The following PAF1 variants were observed in gnomAD, a reference collection of about 807,000 sequenced individuals.
The protein encoded by PAF1 is RNA polymerase II-associated factor 1 homolog.
Under a neutral mutation model 68.4 loss-of-function variants are expected in PAF1, and 31 were observed. The ratio of observed to expected loss-of-function variants is 0.45; its 90% CI spans 0.34 to 0.61. PAF1 has a LOEUF of 0.61. Ranked by LOEUF, PAF1 falls within the 20% of genes least tolerant of loss-of-function variation. The pLI is 0.01. For missense variants in PAF1, 435 were observed against 692.9 expected, an observed-to-expected ratio of 0.63 and a Z score of 4.18; for synonymous variants, 256 against 240.5, an observed-to-expected ratio of 1.06 and a Z score of -0.60.
At position 39,390,375 on chromosome 19, in the gene PAF1, T is replaced by TAGA. The variant is rs3217016; in HGVS notation, c.48-87_48-86insTCT. 363,313 of 1,296,708 alleles carry TAGA rather than the reference T, an allele frequency of 0.28. 62,590 individuals carry two copies. Among genetic ancestry groups the TAGA allele is most frequent in the African/African-American group, 0.77 (51,881 of 67,564 alleles). The allele number at this position is 1,296,708 out of a possible 1,614,324, so 80.3% of individuals were successfully genotyped here. ...AAGGCTTCCCCAACCTTTCAAAAGG[T>TAGA]AGGAGGGGTGACAAATGCTGGTTTC... On this transcript the variant is annotated intron_variant, in intron 1 of 13. Transcript: ENST00000221265.
Position 39,386,107 on chromosome 19 carries a change from G to A in PAF1, c.1480C>T (p.Arg494Trp), listed in dbSNP as rs147646603. Residue 494 changes from arginine to tryptophan, a missense_variant, in exon 14 of 14, where the codon CGG (arginine) becomes TGG (tryptophan). By Grantham distance (101) the Arg-to-Trp change is moderately radical. Coordinates refer to ENST00000221265, the MANE Select transcript of PAF1 (RefSeq NM_019088.4). The surrounding 1 kb of genome is among the most constrained non-coding windows in gnomAD (Gnocchi z 6.1). ...SGSNGGGQRSRSHSRSASPFP... is the reference protein window; with the variant it reads ...SGSNGGGQRSWSHSRSASPFP... ...GGACTGGCGCTGCGGCTGTGGCTCC[G>A]GCTCCGCTGGCCACCCCCATTGCTG... 72 of 1,613,886 alleles carry A rather than the reference G, an allele frequency of 4.5e-5. No individual in the cohort carries two copies. Among genetic ancestry groups the A allele is most frequent in the African/African-American group, 2.1e-4 (16 of 74,912 alleles).
chr19:39,386,594 T>C lies in PAF1; in HGVS notation c.1093-22A>G. On this transcript the variant is annotated intron_variant, in intron 12 of 13. Transcript: ENST00000221265. This position sits in a 1 kb window ranked among gnomAD's most constrained non-coding sequence, Gnocchi z 6.1. ...CCTCCTGGAAGCAGCAAGATTGGAA[T>C]GAGGGGAAGGAGGGTGTTCTGCTGG... The C allele has an allele frequency of 6.2e-7, 1 of 1,613,282 alleles. No homozygotes were observed. Among genetic ancestry groups the C allele is most frequent in the Non-Finnish European group, 8.5e-7 (1 of 1,179,250 alleles).
At position 39,389,203 on chromosome 19, in the gene PAF1, G is replaced by C. The variant is rs747108134; in HGVS notation, c.462-5C>G. 6.2e-7 allele frequency: 1 copy of C among 1,613,566 alleles called. No individual in the cohort carries two copies. The highest frequency in any genetic ancestry group is 2.2e-5 in the East Asian group (1 of 44,884). On this transcript the variant is annotated splice_polypyrimidine_tract_variant and splice_region_variant and intron_variant, in intron 6 of 13. Coordinates refer to ENST00000221265, the MANE Select transcript of PAF1 (RefSeq NM_019088.4). The surrounding 1 kb of genome is among the most constrained non-coding windows in gnomAD (Gnocchi z 5.3). ...TGCTTCACAGAAACCCCAATCCTAG[G>C]AATGAAGAAAAAGGTCCTTAGGGGC...
In PAF1 at chr19:39,389,857, G is replaced by C. The variant is rs2078335113; in HGVS notation, c.171-96C>G. On this transcript the variant is annotated intron_variant, in intron 3 of 13. Coordinates refer to ENST00000221265, the MANE Select transcript of PAF1 (RefSeq NM_019088.4). The surrounding 1 kb of genome is among the most constrained non-coding windows in gnomAD (Gnocchi z 5.3). Reference sequence around the variant, plus strand: ...CGGAGCTTCTCTGGGGAGGAACTCAGAATGAAGTGTCCCCCATGGCAGAGT... The same window carrying C: ...CGGAGCTTCTCTGGGGAGGAACTCACAATGAAGTGTCCCCCATGGCAGAGT... The C allele has an allele frequency of 6.6e-7, 1 of 1,517,566 alleles. No homozygotes were observed. Among genetic ancestry groups the C allele is most frequent in the East Asian group, 2.3e-5 (1 of 44,400 alleles). 94.0% of individuals were successfully genotyped at this position (1,517,566 alleles called of 1,614,324 possible). A position where few individuals can be genotyped will look rare whatever the true frequency, so the allele number is the denominator to read the frequency against.
rs2078336572 is a variant in PAF1 at position 39,389,911 on chromosome 19, A to T, written c.171-150T>A. On this transcript the variant is annotated intron_variant, in intron 3 of 13. Coordinates refer to ENST00000221265, the MANE Select transcript of PAF1 (RefSeq NM_019088.4). The surrounding 1 kb of genome is among the most constrained non-coding windows in gnomAD (Gnocchi z 5.3). Reference sequence around the variant, plus strand: ...AAAGCTGGCTCCCCAGTGGGAAGGGACTTGGACACTGCTTGCTCCATTAAC... The same window carrying T: ...AAAGCTGGCTCCCCAGTGGGAAGGGTCTTGGACACTGCTTGCTCCATTAAC... 1 of 1,132,082 alleles carries T rather than the reference A, an allele frequency of 8.8e-7. No homozygotes were observed. Among genetic ancestry groups the T allele is most frequent in the East Asian group, 2.3e-5 (1 of 42,580 alleles). 70.1% of individuals were successfully genotyped at this position (1,132,082 alleles called of 1,614,324 possible).
In PAF1 at chr19:39,386,848, C is replaced by T. The variant is rs940322979; in HGVS notation, c.987-49G>A. ...GAGAAGTGGAAGATGCAGTTAAAGA[C>T]ACACCTCCCACTTCCCCGCCCCCCA... is the stretch of plus-strand genomic sequence containing the variant. On this transcript the variant is annotated intron_variant, in intron 11 of 13. Coordinates refer to ENST00000221265, the MANE Select transcript of PAF1 (RefSeq NM_019088.4). The surrounding 1 kb of genome is among the most constrained non-coding windows in gnomAD (Gnocchi z 6.1). 7.2e-6 allele frequency: 9 copies of T among 1,249,808 alleles called. No individual in the cohort carries two copies. The highest frequency in any genetic ancestry group is 1.1e-5 in the Non-Finnish European group (9 of 848,698). The allele number at this position is 1,249,808 out of a possible 1,614,324, so 77.4% of individuals were successfully genotyped here.
chr19:39,387,116 C>T, intron 11 of PAF1: 1 of 469,036 alleles, frequency 2.1e-6, no homozygotes, highest in Non-Finnish European at 4.0e-6. Flanking sequence ...GAACATCATA[C>T]AGTACTCTTA....
In PAF1 at chr19:39,390,126, C is replaced by T; in HGVS notation, c.113G>A (p.Ser38Asn). The T allele has an allele frequency of 6.2e-7, 1 of 1,614,086 alleles. No individual in the cohort carries two copies. The highest frequency in any genetic ancestry group is 8.5e-7 in the Non-Finnish European group (1 of 1,179,992). Residue 38 changes from serine (S) to asparagine (N), a missense_variant, in exon 3 of 14, where the codon AGC becomes AAC. Physicochemically the swap from Ser to Asn is conservative, Grantham distance 46. Coordinates refer to ENST00000221265, the MANE Select transcript of PAF1 (RefSeq NM_019088.4). Reference sequence around the variant, plus strand: ...GGGGTCGAAGGGGATATCAGGGAGGCTATTGCAGTACTTGACTCGGCAGAC... The same window carrying T: ...GGGGTCGAAGGGGATATCAGGGAGGTTATTGCAGTACTTGACTCGGCAGAC... ...GVVCRVKYCN[S>N]LPDIPFDPKF...
rs2078233497 is a variant in PAF1 at position 39,385,830 on chromosome 19, T to C, written c.*161A>G. On this transcript the variant is annotated 3_prime_UTR_variant, in exon 14 of 14. Coordinates refer to ENST00000221265, the MANE Select transcript of PAF1 (RefSeq NM_019088.4). ...GAGGTATGTGCTGGGCTGAATGACATCATAGGGGCTGGGAGGGGAAGTAAA... is the reference window on the plus strand; with the variant it reads ...GAGGTATGTGCTGGGCTGAATGACACCATAGGGGCTGGGAGGGGAAGTAAA... 1 of 1,075,722 alleles carries C rather than the reference T, an allele frequency of 9.3e-7. No homozygotes were observed. The highest frequency in any genetic ancestry group is 1.3e-6 in the Non-Finnish European group (1 of 759,848). 66.6% of individuals were successfully genotyped at this position (1,075,722 alleles called of 1,614,324 possible). A position where few individuals can be genotyped will look rare whatever the true frequency, so the allele number is the denominator to read the frequency against.
intron 1 of PAF1, 99 bp from the exon 2 acceptor site, chr19:39,390,388 A>T (rs1309786063): frequency 8.8e-7 from 1 of 1,138,008 alleles, no homozygotes; most frequent in Non-Finnish European, 1.3e-6. Context: ...GAGGGGTGAC[A>T]AATGCTGGTT....
chr19:39,390,321 G>A (rs559261552), intron 1 of PAF1, 32 bp from the exon 2 acceptor site: 167 of 1,593,878 alleles, frequency 1.0e-4, no homozygotes, highest in East Asian at 8.9e-4. Context: ...GTGATAGGTG[G>A]AGAGGACGGG....
Position 39,389,231 on chromosome 19 carries a change from C to T in PAF1, c.462-33G>A. The T allele has an allele frequency of 6.2e-7, 1 of 1,607,444 alleles. No homozygotes were observed. Among genetic ancestry groups the T allele is most frequent in the Non-Finnish European group, 8.5e-7 (1 of 1,173,874 alleles). On this transcript the variant is annotated intron_variant, in intron 6 of 13. Coordinates refer to ENST00000221265, the MANE Select transcript of PAF1 (RefSeq NM_019088.4). The surrounding 1 kb of genome is among the most constrained non-coding windows in gnomAD (Gnocchi z 5.3). ...TGAAGAAAAAGGTCCTTAGGGGCCA[C>T]TGGACACACCTAATATCTCCACCTT...
At position 39,386,727 on chromosome 19, in the gene PAF1, A is replaced by G; in HGVS notation, c.1059T>C (p.His353=). ...SGTNALLVVK[H]RDMNEKELEA... is the part of the protein sequence containing the mutation. Reference sequence around the variant, plus strand: ...CCAGTTCCTTCTCATTCATGTCCCGATGTTTGACCACAAGCAGGGCGTTGG... The same window carrying G: ...CCAGTTCCTTCTCATTCATGTCCCGGTGTTTGACCACAAGCAGGGCGTTGG... Residue 353 remains histidine (H), a synonymous_variant, in exon 12 of 14, where the codon CAT becomes CAC. Coordinates refer to ENST00000221265, the MANE Select transcript of PAF1 (RefSeq NM_019088.4). This position sits in a 1 kb window ranked among gnomAD's most constrained non-coding sequence, Gnocchi z 6.1. The G allele has an allele frequency of 6.2e-7, 1 of 1,613,946 alleles. No individual in the cohort carries two copies. The highest frequency in any genetic ancestry group is 2.2e-5 in the East Asian group (1 of 44,872).
chr19:39,390,022 C>T, intron 3 of PAF1, 47 bp downstream of exon 3: 1 of 1,469,626 alleles, frequency 6.8e-7, no homozygotes, highest in Non-Finnish European at 9.5e-7. Flanking sequence ...CAGTCCCTGC[C>T]TTCAAGGAAC....
chr19:39,387,257 A>G lies in PAF1; in HGVS notation c.987-458T>C, dbSNP rs1568373100. Reference sequence around the variant, plus strand: ...AGGCAATTGTAATACAATAGTAAGTATTTGTGTATCTAAACATAGAAAAGG... The same window carrying G: ...AGGCAATTGTAATACAATAGTAAGTGTTTGTGTATCTAAACATAGAAAAGG... On this transcript the variant is annotated intron_variant, in intron 11 of 13. Transcript: ENST00000221265. 7.8e-6 allele frequency: 3 copies of G among 383,868 alleles called. No homozygotes were observed. The Admixed American group carries it at 8.0e-5, about 10-fold the overall frequency. The allele number at this position is 383,868 out of a possible 1,614,324, so 23.8% of individuals were successfully genotyped here.
Position 39,389,783 on chromosome 19 carries a change from G to A in PAF1, c.171-22C>T. 6.2e-7 allele frequency: 1 copy of A among 1,613,692 alleles called. No individual in the cohort carries two copies. The highest frequency in any genetic ancestry group is 8.5e-7 in the Non-Finnish European group (1 of 1,179,838). On this transcript the variant is annotated intron_variant, in intron 3 of 13. Coordinates refer to ENST00000221265, the MANE Select transcript of PAF1 (RefSeq NM_019088.4). The surrounding 1 kb of genome is among the most constrained non-coding windows in gnomAD (Gnocchi z 5.3). ...GAACCTGGGTGGGGAAACACCTATT[G>A]TGGTGTTTGGATTCCAGCTTCACCC...
At position 39,390,910 on chromosome 19, in the gene PAF1, A is replaced by AG; in HGVS notation, c.-47dup. 1.9e-6 allele frequency: 3 copies of AG among 1,548,288 alleles called. No homozygotes were observed. The highest frequency in any genetic ancestry group is 1.2e-5 in the South Asian group (1 of 84,222). On this transcript the variant is annotated 5_prime_UTR_variant, in exon 1 of 14. Transcript: ENST00000221265. Reference sequence around the variant, plus strand: ...CCGGACGGGGTCCTAGCGGGACCGAAGGGGGACGCAGAGGGGCGTGCCGAC... The same window carrying AG: ...CCGGACGGGGTCCTAGCGGGACCGAAGGGGGGACGCAGAGGGGCGTGCCGAC...
In PAF1 at chr19:39,390,810, G is replaced by C; in HGVS notation, c.47+8C>G. 6.3e-7 allele frequency: 1 copy of C among 1,578,292 alleles called. No individual in the cohort carries two copies. The highest frequency in any genetic ancestry group is 2.3e-5 in the East Asian group (1 of 43,166). On this transcript the variant is annotated splice_region_variant and intron_variant, in intron 1 of 13. Coordinates refer to ENST00000221265, the MANE Select transcript of PAF1 (RefSeq NM_019088.4). ...CGCCTTGCTGCAACAGAAAAGCGTGGCGCCTACCTGTGGCCATCCTCCCGC... is the reference window on the plus strand; with the variant it reads ...CGCCTTGCTGCAACAGAAAAGCGTGCCGCCTACCTGTGGCCATCCTCCCGC...
In PAF1 at chr19:39,388,322, A is replaced by G. The variant is rs770683810; in HGVS notation, c.986+17T>C. 17 of 1,613,820 alleles carry G rather than the reference A, an allele frequency of 1.1e-5. No individual in the cohort carries two copies. The South Asian group carries it at 1.8e-4, about 17-fold the overall frequency. On this transcript the variant is annotated intron_variant, in intron 11 of 13. Transcript: ENST00000221265. The stretch of plus-strand genomic sequence containing the variant: ...AAGCACAGATCCAGGCTAATCAGAT[A>G]GGAGTGTGCTGAGTACCTGGTTTCC...
Sources: gnomAD v4.1 joint callset for allele counts on GRCh38, gnomAD v4.1.1 for gene constraint, Gnocchi (gnomAD v3.1) non-coding constraint, MANE v1.5 for transcripts, NCBI Gene and HGNC (gene_info 2026-07-23, HGNC 2026-07-21) for gene names.